Variants in SUSD4 observed in about 807,000 individuals in gnomAD.
SUSD4 encodes sushi domain-containing protein 4.
Under a neutral mutation model 50.5 loss-of-function variants are expected in SUSD4, and 41 were observed. The ratio of observed to expected loss-of-function variants is 0.81; its 90% confidence interval spans 0.63 to 1.05. The LOEUF is 1.05. SUSD4 is among the 50% of genes least tolerant of loss of function. SUSD4 has a pLI of 0.00. For synonymous variants in SUSD4, 257 were observed against 257.3 expected, an observed-to-expected ratio of 1.00 and a Z score of 0.01; for missense variants, 580 against 634.7, an observed-to-expected ratio of 0.91 and a Z score of 0.93.
At chr1:223,329,980 G>A (rs917676743) in intron 2 of SUSD4, among the ~76,000 whole-genome samples, 18 of 152,122 alleles carry the variant, frequency 1.2e-4, no homozygotes, top group East Asian at 1.9e-4. Context: ...AAAGATGGAC[G>A]GATGACTGGA....
intron 2 of SUSD4, 89 bp downstream of exon 2, chr1:223,363,189 G>C (rs1042068652): frequency 5.2e-6 from 7 of 1,345,114 alleles, no homozygotes; most frequent in Non-Finnish European, 6.8e-6. Context: ...TGGGTGTATG[G>C]GGGAGGGGTG....
rs1668972698 is a variant in SUSD4 at position 223,361,454 on chromosome 1, A to G, written c.148+1824T>C. On this transcript the variant is annotated intron_variant, in intron 2 of 8. Transcript: ENST00000366878. ...AACCCTTACTCTCATCCTCTTCTCC[A>G]AGGCTCTGGATATTTTTGCCTGGCA... 4.6e-5 allele frequency among the ~76,000 whole-genome samples: 7 copies of G among 152,118 alleles called. No individual in the cohort carries two copies. The South Asian group carries it at 1.5e-3, about 32-fold the overall frequency.
chr1:223,314,899 A>G (rs887926764), intron 2 of SUSD4, among the ~76,000 whole-genome samples: 5 of 152,206 alleles, frequency 3.3e-5, no homozygotes. Context: ...CTTATCTGAC[A>G]GTGTCTGATG....
intron 5 of SUSD4, among the ~76,000 whole-genome samples, chr1:223,235,566 C>T (rs1272647760): frequency 7.6e-6 from 1 of 131,480 alleles, no homozygotes; most frequent in African/African-American, 2.8e-5. Context: ...GTTTTGCTGT[C>T]GTCATAGTTT....
intron 2 of SUSD4, among the ~76,000 whole-genome samples, chr1:223,315,485 G>T (rs973798270): frequency 3.9e-5 from 6 of 152,160 alleles, no homozygotes; most frequent in African/African-American, 1.2e-4. Context: ...TCCGCCAACT[G>T]GTCCTGTGGC....
chr1:223,315,722 A>G (rs1666145535), intron 2 of SUSD4, among the ~76,000 whole-genome samples: 1 of 151,886 alleles, frequency 6.6e-6, no homozygotes, highest in Non-Finnish European at 1.5e-5. Context: ...AATTCATCTG[A>G]AAAAAAAATT....
At chr1:223,254,417 G>C (rs752787027) in intron 5 of SUSD4, among the ~76,000 whole-genome samples, 1 of 152,156 alleles carries the variant, frequency 6.6e-6, no homozygotes, top group Non-Finnish European at 1.5e-5. Context: ...GTCCAGGAGA[G>C]ACAGAGGGTT....
At chr1:223,233,010 T>G (rs1005626207) in intron 5 of SUSD4, among the ~76,000 whole-genome samples, 5 of 152,192 alleles carry the variant, frequency 3.3e-5, no homozygotes, top group African/African-American at 7.2e-5. Context: ...TTGCTGGGGT[T>G]CCCATGCTGC....
At chr1:223,324,306 A>C (rs889352695) in intron 2 of SUSD4, among the ~76,000 whole-genome samples, 5 of 151,436 alleles carry the variant, frequency 3.3e-5, no homozygotes, top group Non-Finnish European at 7.4e-5. Flanking sequence ...GGCTGTGACA[A>C]AGGCAGAGTG....
chr1:223,364,341 G>A (rs1313144115), upstream of SUSD4: 5 of 141,672 alleles, frequency 3.5e-5, no homozygotes, highest in Non-Finnish European at 6.2e-5. This position sits in a 1 kb window ranked among gnomAD's most constrained non-coding sequence, Gnocchi z 4.5. Context: ...GCGGCGCGGA[G>A]AGAGGGAGTG....
At chr1:223,327,599 C>T (rs1158041786) in intron 2 of SUSD4, among the ~76,000 whole-genome samples, 1 of 152,196 alleles carries the variant, frequency 6.6e-6, no homozygotes, top group Non-Finnish European at 1.5e-5. Flanking sequence ...TGGAGAAAGG[C>T]CCTAGATTCT....
chr1:223,361,805 G>A (rs888666777), intron 2 of SUSD4, among the ~76,000 whole-genome samples: 10 of 152,222 alleles, frequency 6.6e-5, no homozygotes, highest in African/African-American at 2.2e-4. Flanking sequence ...GGCAAAAGCA[G>A]AGAGGAGGGG....
chr1:223,352,592 G>T (rs1282962966), intron 2 of SUSD4, among the ~76,000 whole-genome samples: 1 of 152,240 alleles, frequency 6.6e-6, no homozygotes, highest in African/African-American at 2.4e-5. Flanking sequence ...TTCCTGAAGG[G>T]CTCTGAGGCT....
At chr1:223,340,117 C>T (rs1183334554) in intron 2 of SUSD4, among the ~76,000 whole-genome samples, 2 of 152,222 alleles carry the variant, frequency 1.3e-5, no homozygotes, top group African/African-American at 4.8e-5. Flanking sequence ...CCAAATCCTG[C>T]AGGAGCATTG....
intron 5 of SUSD4, among the ~76,000 whole-genome samples, chr1:223,240,010 T>C (rs906946977): frequency 6.6e-6 from 1 of 152,028 alleles, no homozygotes; most frequent in Non-Finnish European, 1.5e-5. Context: ...CAAGAAAATC[T>C]TCCTTTCTCC....
intron 2 of SUSD4, among the ~76,000 whole-genome samples, chr1:223,313,201 G>C (rs1665980346): frequency 6.6e-6 from 1 of 152,156 alleles, no homozygotes. Context: ...AGAGGGTTGG[G>C]ACTTTGAGTC....
intron 3 of SUSD4, among the ~76,000 whole-genome samples, chr1:223,271,162 T>A (rs1023585412): frequency 6.6e-6 from 1 of 152,222 alleles, no homozygotes; most frequent in African/African-American, 2.4e-5. Flanking sequence ...TTTTCATGAT[T>A]GATTTAAAAC....
At chr1:223,242,656 A>G (rs1480980341) in intron 5 of SUSD4, among the ~76,000 whole-genome samples, 1 of 152,202 alleles carries the variant, frequency 6.6e-6, no homozygotes, top group African/African-American at 2.4e-5. Context: ...TGGCTGAATA[A>G]CCACAGGCAT....
rs191188332 is a variant in SUSD4, at chr1:223,262,583, C to T, written c.724+2047G>A. 6.6e-5 allele frequency among the ~76,000 whole-genome samples: 10 copies of T among 152,258 alleles called. No homozygotes were observed. The East Asian group carries it at 9.7e-4, about 15-fold the overall frequency. Reference sequence around the variant, plus strand: ...TAGGCACATCTGGATAACTTGTTCACGAATCCTTACCTCTTAGTTTAACCC... The same window carrying T: ...TAGGCACATCTGGATAACTTGTTCATGAATCCTTACCTCTTAGTTTAACCC... On this transcript the variant is annotated intron_variant, in intron 5 of 8. Coordinates refer to ENST00000366878, the MANE Select transcript of SUSD4 (RefSeq NM_017982.4).
Sources: gnomAD v4.1 joint callset for allele counts (sites outside exome capture counted in the v4.1 genomes callset) on GRCh38, gnomAD v4.1.1 for gene constraint, Gnocchi (gnomAD v3.1) non-coding constraint, MANE v1.5 for transcripts, NCBI Gene and HGNC (gene_info 2026-07-23, HGNC 2026-07-21) for gene names.